SUN1: variants seen among roughly 807,000 people sequenced by gnomAD.
SUN1 encodes the protein Sad1 and UNC84 domain containing 1.
Under a neutral mutation model 103.2 loss-of-function variants are expected in SUN1, and 61 were observed. That is an observed-to-expected ratio of 0.59 (90% CI 0.48 to 0.73). The LOEUF is 0.73. SUN1 is among the 30% of genes least tolerant of loss of function. The pLI is 0.00. For missense variants in SUN1, 1,052 were observed against 1,034.6 expected (o/e 1.02, Z -0.23); for synonymous variants, 490 against 425.7 (o/e 1.15, Z -1.86).
intron 16 of SUN1, among the ~76,000 whole-genome samples, chr7:867,053 C>T (rs947372770): frequency 6.6e-6 from 1 of 152,212 alleles, no homozygotes; most frequent in Non-Finnish European, 1.5e-5. Context: ...AACACAAGTC[C>T]AGCCTGAAAG....
chr7:870,552 C>CTCCA (rs1465305975), intron 17 of SUN1, among the ~76,000 whole-genome samples: 1 of 152,050 alleles, frequency 6.6e-6, no homozygotes, highest in East Asian at 1.9e-4. Context: ...AGCCCCTGCA[C>CTCCA]TCCAGCCTGG....
intron 1 of SUN1, among the ~76,000 whole-genome samples, chr7:822,974 C>T (rs2128150082): frequency 6.6e-6 from 1 of 152,318 alleles, no homozygotes; most frequent in Admixed American, 6.5e-5. Flanking sequence ...ACACACACGG[C>T]CCTGTGGCCA....
chr7:860,411 GCT>G (rs1269366569), intron 14 of SUN1, 29 bp downstream of exon 14: 15 of 1,607,434 alleles, frequency 9.3e-6, no homozygotes, highest in Non-Finnish European at 1.3e-5. Context: ...GGCAAGAGAT[GCT>G]TACAGTCCAT....
chr7:841,895 T>G (rs779105133), intron 2 of SUN1, 51 bp from the exon 3 acceptor site: 1 of 1,578,744 alleles, frequency 6.3e-7, no homozygotes, highest in African/African-American at 1.3e-5. Context: ...TGTAATCATT[T>G]TGTATTTGCT....
At chr7:829,556 T>TG (rs796387275), upstream of SUN1, among the ~76,000 whole-genome samples, 149 of 150,962 alleles carry the variant, frequency 9.9e-4, 1 homozygote, top group African/African-American at 1.9e-3. Context: ...TGGTTTTTTT[T>TG]TTTGTTTTTT....
rs1043553481 is a variant in SUN1, at chr7:874,368, G to C, written c.*1037G>C. The C allele has an allele frequency of 1.2e-4, 19 of 152,680 alleles. No homozygotes were observed. Among genetic ancestry groups the C allele is most frequent in the Admixed American group, 9.2e-4 (14 of 15,298 alleles). The allele number at this position is 152,680 out of a possible 1,614,324, so 9.5% of individuals were successfully genotyped here. On this transcript the variant is annotated 3_prime_UTR_variant, in exon 19 of 19. Coordinates refer to ENST00000401592, the MANE Select transcript of SUN1 (RefSeq NM_001130965.3). Reference sequence around the variant, plus strand: ...GGTTATAATTACTATTTAATATTTAGACTATTTTACTGAGCAGACTTTATA... The same window carrying C: ...GGTTATAATTACTATTTAATATTTACACTATTTTACTGAGCAGACTTTATA...
chr7:847,271 C>T (rs1287931246), intron 5 of SUN1, among the ~76,000 whole-genome samples: 4 of 148,348 alleles, frequency 2.7e-5, no homozygotes, highest in South Asian at 2.1e-4. Context: ...TGGGGGTTAC[C>T]CCGCAGCGCC....
intron 13 of SUN1, 120 bp from the exon 14 acceptor site, chr7:860,008 A>G (rs1830965779): frequency 1.6e-6 from 2 of 1,289,130 alleles, no homozygotes; most frequent in Non-Finnish European, 2.1e-6. Flanking sequence ...CACTGTCACA[A>G]TGACATTCTA....
At chr7:850,644 A>C (rs1436545689) in intron 5 of SUN1, 1 of 152,684 alleles carries the variant, frequency 6.5e-6, no homozygotes, top group Non-Finnish European at 1.5e-5. Context: ...CACTGTGAGG[A>C]GATAGCCACC....
intron 15 of SUN1, among the ~76,000 whole-genome samples, chr7:862,931 C>CT (rs1833329994): frequency 6.6e-6 from 1 of 152,166 alleles, no homozygotes; most frequent in Admixed American, 6.5e-5. Context: ...GCAGGCAGAT[C>CT]ACAAGGTCAG....
chr7:843,028 A>G (rs1355892098), intron 3 of SUN1, 178 bp from the exon 4 acceptor site: 2 of 846,564 alleles, frequency 2.4e-6, no homozygotes, highest in Non-Finnish European at 3.8e-6. Flanking sequence ...TTTCACCTTC[A>G]GTCAGAAGAT....
chr7:833,320 T>C (rs1244826037), intron 1 of SUN1: 1 of 134,822 alleles, frequency 7.4e-6, no homozygotes, highest in Non-Finnish European at 1.6e-5. Flanking sequence ...TTTTTTTTTT[T>C]CGTTTTTTTG....
At chr7:847,515 G>A (rs1268770901) in intron 5 of SUN1, among the ~76,000 whole-genome samples, 19 of 88,614 alleles carry the variant, frequency 2.1e-4, no homozygotes, top group East Asian at 4.3e-4. Flanking sequence ...AGCGGAGTTG[G>A]CGGCCTTCCC....
intron 13 of SUN1, 139 bp from the exon 14 acceptor site, chr7:859,989 G>T: frequency 8.7e-7 from 1 of 1,155,842 alleles, no homozygotes; most frequent in South Asian, 1.6e-5. Context: ...AATTTAATAT[G>T]AAGGAAAACA....
chr7:857,590 C>T (rs1828688258), intron 12 of SUN1, among the ~76,000 whole-genome samples: 1 of 152,180 alleles, frequency 6.6e-6, no homozygotes, highest in Non-Finnish European at 1.5e-5. Flanking sequence ...TTGTAGATAG[C>T]CTCCTTGTGC....
intron 15 of SUN1, among the ~76,000 whole-genome samples, chr7:861,745 C>T (rs6976929): frequency 0.16 from 23,629 of 152,216 alleles, 2,014 homozygotes; most frequent in African/African-American, 0.18. Context: ...TCACTCTCTC[C>T]TGTGCTGTGA....
At chr7:831,369 T>G (rs1797804927), upstream of SUN1, among the ~76,000 whole-genome samples, 2 of 151,928 alleles carry the variant, frequency 1.3e-5, no homozygotes, top group South Asian at 4.2e-4. Flanking sequence ...CCTCCCGGGT[T>G]CATGCCATTC....
intron 1 of SUN1, among the ~76,000 whole-genome samples, chr7:819,192 CT>C (rs57527104): frequency 1.7e-3 from 239 of 138,714 alleles, no homozygotes; most frequent in East Asian, 7.5e-3. Context: ...TGGGTTGCCT[CT>C]TTTTTTTTTT....
intron 1 of SUN1, among the ~76,000 whole-genome samples, chr7:836,997 C>T (rs1043264754): frequency 2.6e-5 from 4 of 152,198 alleles, no homozygotes; most frequent in African/African-American, 9.7e-5. Flanking sequence ...GCACACATGG[C>T]CCCCGACGCA....
Sources: gnomAD v4.1 joint callset for allele counts (sites outside exome capture counted in the v4.1 genomes callset) on GRCh38, gnomAD v4.1.1 for gene constraint, MANE v1.5 for transcripts, NCBI Gene and HGNC (gene_info 2026-07-23, HGNC 2026-07-21) for gene names.